Variants in SDK2 observed in about 807,000 individuals in gnomAD.
SDK2 encodes the protein protein sidekick-2.
In SDK2, 105 loss-of-function variants were observed where a neutral mutation model predicts 253.9. The ratio of observed to expected loss-of-function variants is 0.41; its 90% CI spans 0.35 to 0.49. The LOEUF (loss-of-function observed/expected upper bound fraction) is 0.49. Ranked by LOEUF, SDK2 falls within the 20% of genes least tolerant of loss-of-function variation. The pLI, the probability that SDK2 is intolerant of heterozygous loss-of-function variation, is 0.06. For missense variants in SDK2, 2,608 were observed against 3,003.0 expected (o/e 0.87, Z 3.07); for synonymous variants, 1,249 against 1,234.9 (o/e 1.01, Z -0.24).
chr17:73,416,752 G>A (rs763724723), intron 16 of SDK2, among the ~76,000 whole-genome samples: 9 of 151,676 alleles, frequency 5.9e-5, no homozygotes, highest in Non-Finnish European at 1.2e-4. Flanking sequence ...CCCATGCCTG[G>A]CTTATTTTTT....
At chr17:73,591,263 C>G (rs922208820) in intron 1 of SDK2, among the ~76,000 whole-genome samples, 5 of 152,182 alleles carry the variant, frequency 3.3e-5, no homozygotes, top group African/African-American at 4.8e-5. Context: ...CAGACAGCTG[C>G]CACTGGACCC....
At chr17:73,356,703 C>T (rs1333450094) in intron 40 of SDK2, among the ~76,000 whole-genome samples, 1 of 152,230 alleles carries the variant, frequency 6.6e-6, no homozygotes, top group Non-Finnish European at 1.5e-5. Context: ...CCTCCCTCCT[C>T]CCTGTGCCTG....
rs1364397936 is a variant in SDK2 at position 73,447,580 on chromosome 17, G to C, written c.613+35C>G. ...CACCATTGCTAAGATTTAATGGCCC[G>C]CTCCAAGATCGGTCCCGGCCCTGTG... is the stretch of plus-strand genomic sequence containing the variant. On this transcript the variant is annotated intron_variant, in intron 5 of 44. Coordinates refer to ENST00000392650, the MANE Select transcript of SDK2 (RefSeq NM_001144952.2). This position sits in a 1 kb window ranked among gnomAD's most constrained non-coding sequence, Gnocchi z 4.0. The C allele has an allele frequency of 3.2e-6, 5 of 1,550,040 alleles. No individual in the cohort carries two copies. Among genetic ancestry groups the C allele is most frequent in the Non-Finnish European group, 4.4e-6 (5 of 1,145,782 alleles).
chr17:73,528,750 G>A (rs1472073848), intron 1 of SDK2, among the ~76,000 whole-genome samples: 1 of 152,126 alleles, frequency 6.6e-6, no homozygotes, highest in Non-Finnish European at 1.5e-5. Context: ...TCTCTCTACG[G>A]CTCATCTGCT....
At chr17:73,371,982 G>A (rs1330251815) in intron 36 of SDK2, among the ~76,000 whole-genome samples, 1 of 150,614 alleles carries the variant, frequency 6.6e-6, no homozygotes, top group African/African-American at 2.4e-5. Flanking sequence ...GTGAGGTCAG[G>A]AAAAGGCATA....
At chr17:73,517,655 A>G (rs1324343942) in intron 1 of SDK2, 1 of 152,154 alleles carries the variant, frequency 6.6e-6, no homozygotes, top group Non-Finnish European at 1.5e-5. Context: ...GTTTAAAGCC[A>G]CCCAGCTTAT....
At chr17:73,614,044 A>G (rs2046015187) in intron 1 of SDK2, among the ~76,000 whole-genome samples, 1 of 152,164 alleles carries the variant, frequency 6.6e-6, no homozygotes, top group South Asian at 2.1e-4. Context: ...AACAGAGTCC[A>G]GTTTTCCCAG....
At position 73,399,153 on chromosome 17, in the gene SDK2, C is replaced by T; in HGVS notation, c.3093+15G>A. The T allele has an allele frequency of 6.2e-7, 1 of 1,612,950 alleles. No homozygotes were observed. The highest frequency in any genetic ancestry group is 8.5e-7 in the Non-Finnish European group (1 of 1,179,744). ...CCTGGCGGGGGCTGCTGGTCAGGCC[C>T]CAGGCCTGCCCTACCTGGGCTTCCA... On this transcript the variant is annotated intron_variant, in intron 22 of 44. Coordinates refer to ENST00000392650, the MANE Select transcript of SDK2 (RefSeq NM_001144952.2).
intron 1 of SDK2, among the ~76,000 whole-genome samples, chr17:73,589,618 A>G (rs1185584276): frequency 6.6e-6 from 1 of 152,244 alleles, no homozygotes; most frequent in East Asian, 1.9e-4. Context: ...GGGGAAGCTC[A>G]GACAGGCACT....
chr17:73,451,206 A>G (rs1257054757), intron 4 of SDK2, among the ~76,000 whole-genome samples: 1 of 152,198 alleles, frequency 6.6e-6, no homozygotes, highest in Non-Finnish European at 1.5e-5. Context: ...GCCTCTCATC[A>G]TGGTAGGACT....
rs2063381653 is a variant in SDK2, at chr17:73,437,802, C to G, written c.937G>C (p.Glu313Gln). ...TCCGCAGTGATGTGTCTTTCTGGCT[C>G]CTTGACAAACTGAGGCGGTTCTGCA... is the stretch of plus-strand genomic sequence containing the variant. ...SVLEPPQFVK[E>Q]PERHITAEME... Residue 313 changes from glutamate (E) to glutamine (Q), a missense_variant, in exon 8 of 45, where the codon GAG (glutamate) becomes CAG (glutamine). By Grantham distance (29) the Glu-to-Gln change is conservative. Transcript: ENST00000392650. The G allele has an allele frequency of 1.9e-6, 3 of 1,613,914 alleles. No homozygotes were observed. The highest frequency in any genetic ancestry group is 2.5e-6 in the Non-Finnish European group (3 of 1,179,906).
At chr17:73,598,726 C>T (rs531747939) in intron 1 of SDK2, among the ~76,000 whole-genome samples, 1 of 152,110 alleles carries the variant, frequency 6.6e-6, no homozygotes, top group African/African-American at 2.4e-5. Flanking sequence ...CTCCAGGGAC[C>T]ACCCCTAGCT....
intron 17 of SDK2, 105 bp from the exon 18 acceptor site, chr17:73,414,864 G>A: frequency 2.9e-6 from 2 of 698,262 alleles, no homozygotes; most frequent in Non-Finnish European, 2.6e-6. Context: ...CCTCTGCCTT[G>A]CACCCCCCTA....
Position 73,338,660 on chromosome 17 carries a change from G to T in SDK2, c.6446C>A (p.Thr2149Asn), listed in dbSNP as rs1439855508. 2 of 1,569,604 alleles carry T rather than the reference G, an allele frequency of 1.3e-6. No individual in the cohort carries two copies. The highest frequency in any genetic ancestry group is 2.7e-5 in the African/African-American group (2 of 73,084). ...CAGGCTGCTGGGGGGACGGTAGAGGGTGCTCTGCTGACTTGGGGGGTTAGG... is the reference window on the plus strand; with the variant it reads ...CAGGCTGCTGGGGGGACGGTAGAGGTTGCTCTGCTGACTTGGGGGGTTAGG... Reference protein sequence around the residue: ...NPPNPPSQQSTLYRPPSSLAP... With the variant: ...NPPNPPSQQSNLYRPPSSLAP... Residue 2149 changes from threonine (T) to asparagine (N), a missense_variant, in exon 45 of 45, where the codon ACC becomes AAC. Physicochemically the swap from Thr to Asn is moderately conservative, Grantham distance 65. Coordinates refer to ENST00000392650, the MANE Select transcript of SDK2 (RefSeq NM_001144952.2). This position sits in a 1 kb window ranked among gnomAD's most constrained non-coding sequence, Gnocchi z 5.0.
At chr17:73,422,225 C>G (rs190093175) in intron 15 of SDK2, 62 bp downstream of exon 15, 2 of 1,582,404 alleles carry the variant, frequency 1.3e-6, no homozygotes, top group Non-Finnish European at 1.7e-6. Flanking sequence ...ACATCGGTTT[C>G]GGCTGCAGCC....
At chr17:73,463,533 C>G (rs915872683) in intron 3 of SDK2, among the ~76,000 whole-genome samples, 1 of 152,184 alleles carries the variant, frequency 6.6e-6, no homozygotes, top group Non-Finnish European at 1.5e-5. Flanking sequence ...GATCTCCCCC[C>G]TTCCCCGGCA....
rs558657837 is a variant in SDK2 at position 73,512,670 on chromosome 17, A to C, written c.65-5073T>G. ...AGAATAGCCAAACAAATTCTGAAAA[A>C]GTATAGCAAACAGAGGAAACTAGCA... On this transcript the variant is annotated intron_variant, in intron 1 of 44. Coordinates refer to ENST00000392650, the MANE Select transcript of SDK2 (RefSeq NM_001144952.2). 1.1e-4 allele frequency among the ~76,000 whole-genome samples: 17 copies of C among 152,346 alleles called. No homozygotes were observed. The South Asian group carries it at 3.5e-3, about 32-fold the overall frequency.
chr17:73,360,938 G>GAA (rs1262851160), intron 39 of SDK2, among the ~76,000 whole-genome samples: 9 of 88,766 alleles, frequency 1.0e-4, no homozygotes, highest in Middle Eastern at 6.4e-3. Flanking sequence ...TCTGTCTCCA[G>GAA]AAAAAAAAAA....
At chr17:73,588,226 A>G (rs531562998) in intron 1 of SDK2, among the ~76,000 whole-genome samples, 1 of 144,260 alleles carries the variant, frequency 6.9e-6, no homozygotes, top group Admixed American at 6.8e-5. Context: ...CATCTCTACT[A>G]AAAATACAAA....
Sources: gnomAD v4.1 joint callset for allele counts (sites outside exome capture counted in the v4.1 genomes callset) on GRCh38, gnomAD v4.1.1 for gene constraint, Gnocchi (gnomAD v3.1) non-coding constraint, MANE v1.5 for transcripts, NCBI Gene and HGNC (gene_info 2026-07-23, HGNC 2026-07-21) for gene names.